MYO1E: variants seen among roughly 807,000 people sequenced by gnomAD.
MYO1E encodes myosin IE, also known as unconventional myosin-Ie.
Under a neutral mutation model 151.1 loss-of-function variants are expected in MYO1E, and 68 were observed. That is an observed-to-expected ratio of 0.45 (90% CI 0.37 to 0.55). The LOEUF is 0.55. Among genes scored for constraint, MYO1E ranks in the 20% least tolerant of loss-of-function variants. The pLI is 0.00. For synonymous variants in MYO1E, 601 were observed against 501.7 expected (o/e 1.20, Z -2.64); for missense variants, 1,363 against 1,389.3 (o/e 0.98, Z 0.30).
intron 1 of MYO1E, among the ~76,000 whole-genome samples, chr15:59,283,105 G>A (rs867524191): frequency 6.6e-6 from 1 of 150,920 alleles, no homozygotes; most frequent in South Asian, 2.1e-4. Flanking sequence ...GCGGTCAGAG[G>A]ACAGTGGCTG....
At chr15:59,329,664 G>A (rs2140422273) in intron 1 of MYO1E, among the ~76,000 whole-genome samples, 1 of 152,272 alleles carries the variant, frequency 6.6e-6, no homozygotes, top group East Asian at 1.9e-4. Flanking sequence ...TATGAAAACT[G>A]CCAGCCGTCA....
chr15:59,231,776 T>A lies in MYO1E; in HGVS notation c.436A>T (p.Ile146Phe). 1 of 1,614,138 alleles carries A rather than the reference T, an allele frequency of 6.2e-7. No individual in the cohort carries two copies. Among genetic ancestry groups the A allele is most frequent in the Non-Finnish European group, 8.5e-7 (1 of 1,179,984 alleles). The change falls in exon 6 of 28, where the codon ATC becomes TTC. Residue 146 changes from isoleucine to phenylalanine, a missense_variant. Transcript: ENST00000288235. ...TCCAGCAGCGGGTTGGACTGCAGGA[T>A]AATGTCCTTCACGTGCTGTCCCAGC... The part of the protein sequence containing the change: ...GTKVQHVKDI[I>F]LQSNPLLEAF...
chr15:59,322,051 T>C (rs1358789982), intron 1 of MYO1E, among the ~76,000 whole-genome samples: 1 of 151,390 alleles, frequency 6.6e-6, no homozygotes, highest in Non-Finnish European at 1.5e-5. Flanking sequence ...GGCGGGCACC[T>C]GTAATCCCAG....
In MYO1E at chr15:59,208,924, G is replaced by A; in HGVS notation, c.1363-76C>T. On this transcript the variant is annotated intron_variant, in intron 13 of 27. Transcript: ENST00000288235. ...ACAATGCTTATCAGGTCCTTTCTTA[G>A]GCAAGGAAACAGCTCCCCAGACTTA... 4 of 1,564,008 alleles carry A rather than the reference G, an allele frequency of 2.6e-6. No homozygotes were observed. In the South Asian group the frequency reaches 3.4e-5, roughly 13 times the overall value.
At chr15:59,266,446 C>A (rs1383803110) in intron 2 of MYO1E, among the ~76,000 whole-genome samples, 1 of 152,140 alleles carries the variant, frequency 6.6e-6, no homozygotes, top group South Asian at 2.1e-4. Context: ...TCCCAAATGC[C>A]TGCCCGTGGA....
rs533684267 is a variant in MYO1E, at chr15:59,163,280, A to T, written c.2504T>A (p.Ile835Asn). 2 of 1,613,924 alleles carry T rather than the reference A, an allele frequency of 1.2e-6. No homozygotes were observed. The highest frequency in any genetic ancestry group is 2.2e-5 in the South Asian group (2 of 91,080). The change falls in exon 23 of 28, where the codon ATT (isoleucine) becomes AAT (asparagine). Residue 835 changes from isoleucine to asparagine, a missense_variant. Physicochemically the swap from Ile to Asn is moderately radical, Grantham distance 149. Coordinates refer to ENST00000288235, the MANE Select transcript of MYO1E (RefSeq NM_004998.4). ...ACTGTCATACTCTTGCTCATGGAGAATAAAAATGTCATCCTGCATAGTACT... is the reference window on the plus strand; with the variant it reads ...ACTGTCATACTCTTGCTCATGGAGATTAAAAATGTCATCCTGCATAGTACT... Reference protein sequence around the residue: ...SLSTMQDDIFILHEQEYDSLL... With the variant: ...SLSTMQDDIFNLHEQEYDSLL...
At chr15:59,217,141 C>T (rs1322598265) in intron 10 of MYO1E, among the ~76,000 whole-genome samples, 1 of 152,164 alleles carries the variant, frequency 6.6e-6, no homozygotes, top group Non-Finnish European at 1.5e-5. Context: ...TGAGTCAGAA[C>T]CACCAAGCTC....
chr15:59,166,774 G>A (rs896143411), intron 22 of MYO1E, among the ~76,000 whole-genome samples: 4 of 152,138 alleles, frequency 2.6e-5, no homozygotes, highest in African/African-American at 4.8e-5. Flanking sequence ...GAGAAAGCCC[G>A]GACGCAGATG....
chr15:59,276,679 G>C (rs1000332285), intron 1 of MYO1E, among the ~76,000 whole-genome samples: 5 of 152,206 alleles, frequency 3.3e-5, no homozygotes, highest in African/African-American at 1.2e-4. Context: ...TAACATTTAA[G>C]AGGTGGAACC....
intron 2 of MYO1E, among the ~76,000 whole-genome samples, chr15:59,267,741 G>A: frequency 6.6e-6 from 1 of 152,256 alleles, no homozygotes; most frequent in South Asian, 2.1e-4. Context: ...CAAGTGGTCA[G>A]AAGTGCTCTC....
intron 26 of MYO1E, among the ~76,000 whole-genome samples, chr15:59,142,159 C>CT (rs1281320335): frequency 6.6e-6 from 1 of 152,052 alleles, no homozygotes; most frequent in African/African-American, 2.4e-5. Context: ...ACAGAGGCAT[C>CT]TATCCATATT....
intron 18 of MYO1E, among the ~76,000 whole-genome samples, chr15:59,186,841 C>G (rs184334561): frequency 6.6e-6 from 1 of 152,100 alleles, no homozygotes; most frequent in African/African-American, 2.4e-5. Flanking sequence ...TACAGTGGAA[C>G]GCCACAGAAT....
At chr15:59,253,819 G>C (rs1430335001) in intron 4 of MYO1E, among the ~76,000 whole-genome samples, 2 of 151,684 alleles carry the variant, frequency 1.3e-5, no homozygotes, top group African/African-American at 4.8e-5. Flanking sequence ...AAAATGTAGG[G>C]GACAATGGAA....
chr15:59,204,832 G>A (rs2079822664), intron 15 of MYO1E, among the ~76,000 whole-genome samples: 1 of 152,214 alleles, frequency 6.6e-6, no homozygotes, highest in East Asian at 1.9e-4. Context: ...CGACCATGAA[G>A]AAGAGCTCAG....
chr15:59,133,708 G>C lies in MYO1E; in HGVS notation c.*3672C>G, dbSNP rs764854166. The C allele has an allele frequency of 8.5e-5, 13 of 152,178 alleles. No homozygotes were observed. Among genetic ancestry groups the C allele is most frequent in the Non-Finnish European group, 1.8e-4 (12 of 68,048 alleles). 9.4% of individuals were successfully genotyped at this position (152,178 alleles called of 1,614,324 possible). On this transcript the variant is annotated 3_prime_UTR_variant, in exon 28 of 28. Coordinates refer to ENST00000288235, the MANE Select transcript of MYO1E (RefSeq NM_004998.4). ...GGTGCCAGAAACACAGAGTTAAATT[G>C]TCTACCAAAGACGCACCGTTCATGC...
chr15:59,267,501 G>C (rs538159888), intron 2 of MYO1E, among the ~76,000 whole-genome samples: 2 of 152,302 alleles, frequency 1.3e-5, no homozygotes, highest in African/African-American at 2.4e-5. Context: ...CATCTGTCTT[G>C]CTATATAGCA....
intron 7 of MYO1E, 99 bp from the exon 8 acceptor site, chr15:59,224,922 T>C: frequency 2.0e-6 from 3 of 1,524,938 alleles, no homozygotes. Flanking sequence ...ACTTTCTATC[T>C]CTGCTTTCTA....
chr15:59,168,571 AACC>A (rs2079574710), intron 22 of MYO1E, among the ~76,000 whole-genome samples: 2 of 152,108 alleles, frequency 1.3e-5, no homozygotes, highest in South Asian at 4.2e-4. Context: ...GTATAGAATG[AACC>A]ACCACATGTC....
rs549893700 is a variant in MYO1E at position 59,295,705 on chromosome 15, A to G, written c.4-23256T>C. ...AAACAACTCTGCCAGGAGGGCGGAG[A>G]GCAGGTATAATTATCTCGGTGTTAC... On this transcript the variant is annotated intron_variant, in intron 1 of 27. Transcript: ENST00000288235. 5.9e-5 allele frequency among the ~76,000 whole-genome samples: 9 copies of G among 152,236 alleles called. No individual in the cohort carries two copies. In the South Asian group the frequency reaches 1.9e-3, roughly 32 times the overall value.
Sources: allele counts gnomAD v4.1 joint callset (sites outside exome capture counted in the v4.1 genomes callset), GRCh38; gene constraint gnomAD v4.1.1; transcripts MANE v1.5; gene names NCBI Gene and HGNC (gene_info 2026-07-23, HGNC 2026-07-21).